Variants in ICE1 observed in about 807,000 individuals in gnomAD.
ICE1 encodes interactor of little elongation complex ELL subunit 1, also known as little elongation complex subunit 1.
Under a neutral mutation model 192.7 loss-of-function variants are expected in ICE1, and 64 were observed. The observed-to-expected ratio is 0.33, with a 90% CI of 0.27 to 0.41. ICE1 has a LOEUF of 0.41. Among genes scored for constraint, ICE1 ranks in the 10% least tolerant of loss-of-function variants. The probability of loss-of-function intolerance (pLI) is 1.00; values close to 1 mark genes in which losing one functional copy is unlikely to be tolerated. For missense variants in ICE1, 2,708 were observed against 2,696.0 expected (o/e 1.00, Z -0.10); for synonymous variants, 1,010 against 984.5 (o/e 1.03, Z -0.49).
chr5:5,444,942 G>T (rs898187313), intron 7 of ICE1, among the ~76,000 whole-genome samples: 6 of 152,102 alleles, frequency 3.9e-5, no homozygotes, highest in African/African-American at 1.2e-4. Context: ...CTTTTTATTT[G>T]CTTTTTCCTC....
chr5:5,441,142 A>G lies in ICE1; in HGVS notation c.228A>G (p.Glu76=), dbSNP rs773925550. ...RENSNLHHQV[E]EMLQKISPLQ... is the part of the protein sequence containing the mutation. ...ATAGTAATCTGCATCACCAAGTGGA[A>G]GAGATGCTTCAAAAAATTTCTCCTC... The change falls in exon 5 of 19, where the codon GAA becomes GAG. Residue 76 remains glutamate, a synonymous_variant. Transcript: ENST00000296564. 2.3e-5 allele frequency: 36 copies of G among 1,560,096 alleles called. No homozygotes were observed. The East Asian group carries it at 6.2e-4, about 27-fold the overall frequency.
rs1036064203 is a variant in ICE1, at chr5:5,465,064, C to G, written c.5730C>G (p.Ser1910=). ...TAAGCCCAAAAGAAACTGTGGAGTC[C>G]CATGATAAAGCCATAGCTAATGCCC... ...LPLSPKETVE[S]HDKAIANALK... Residue 1910 remains serine, a synonymous_variant, in exon 13 of 19, where the codon TCC becomes TCG. Transcript: ENST00000296564. 6.2e-7 allele frequency: 1 copy of G among 1,613,888 alleles called. No individual in the cohort carries two copies. The highest frequency in any genetic ancestry group is 1.3e-5 in the African/African-American group (1 of 75,028).
At chr5:5,470,740 G>GTAA (rs1321873973) in intron 15 of ICE1, among the ~76,000 whole-genome samples, 2 of 151,954 alleles carry the variant, frequency 1.3e-5, no homozygotes, top group Non-Finnish European at 2.9e-5. Flanking sequence ...AAATTCCCTG[G>GTAA]TAATAATTCA....
chr5:5,483,476 TTAAC>T (rs747861113), intron 17 of ICE1, among the ~76,000 whole-genome samples: 2 of 152,166 alleles, frequency 1.3e-5, no homozygotes, highest in Admixed American at 6.5e-5. Flanking sequence ...ACCTTAATGA[TTAAC>T]TATTAAAGAG....
chr5:5,443,209 T>G lies in ICE1; in HGVS notation c.351T>G (p.Ala117=). 6.6e-7 allele frequency: 1 copy of G among 1,516,776 alleles called. No individual in the cohort carries two copies. 94.0% of individuals were successfully genotyped at this position (1,516,776 alleles called of 1,614,324 possible). Residue 117 remains alanine, a synonymous_variant, in exon 6 of 19, where the codon GCT becomes GCG. Coordinates refer to ENST00000296564, the MANE Select transcript of ICE1 (RefSeq NM_015325.3). ...KLYQDTHQEY[A]RVKEECLKSD... ...ATCAGGATACTCATCAGGAATATGC[T>G]CGTGTAAAGGAAGAATGCTTGAAGA...
intron 17 of ICE1, among the ~76,000 whole-genome samples, chr5:5,483,138 G>T (rs1247287650): frequency 6.6e-6 from 1 of 152,060 alleles, no homozygotes; most frequent in African/African-American, 2.4e-5. Flanking sequence ...TTACAGGCAT[G>T]CGCCACCATG....
chr5:5,474,021 T>C (rs1316666313), intron 16 of ICE1, among the ~76,000 whole-genome samples: 1 of 151,908 alleles, frequency 6.6e-6, no homozygotes, highest in African/African-American at 2.4e-5. Context: ...CCACCCTGGC[T>C]AACATGATGA....
Position 5,463,955 on chromosome 5 carries a change from T to C in ICE1, c.4621T>C (p.Tyr1541His). The C allele has an allele frequency of 1.2e-6, 2 of 1,613,948 alleles. No individual in the cohort carries two copies. The highest frequency in any genetic ancestry group is 8.5e-7 in the Non-Finnish European group (1 of 1,179,846). The change falls in exon 13 of 19, where the codon TAT (tyrosine) becomes CAT (histidine). Residue 1541 changes from tyrosine (Y) to histidine (H), a missense_variant. Around this residue, in one of 2 missense-constraint regions of ICE1, gnomAD observed 2,366 missense variants for 2,276.6 expected, o/e 1.04. Coordinates refer to ENST00000296564, the MANE Select transcript of ICE1 (RefSeq NM_015325.3). ...TCAGATTGTTGCGTCTGATCACACA[T>C]ATTATAACTCAAAACTAGAGCCATC... ...ETQIVASDHT[Y>H]YNSKLEPSGK...
chr5:5,423,048 C>T lies in ICE1; in HGVS notation c.84+49C>T, dbSNP rs1442961975. 8 of 1,261,424 alleles carry T rather than the reference C, an allele frequency of 6.3e-6. No homozygotes were observed. In the African/African-American group the frequency reaches 1.3e-4, roughly 20 times the overall value. 78.1% of individuals were successfully genotyped at this position (1,261,424 alleles called of 1,614,324 possible). ...GGCGCGGGGGGGGACTCGGCTCGGC[C>T]GGCCGGGAGCGCAGGGATGTGGGGT... On this transcript the variant is annotated intron_variant, in intron 1 of 18. Transcript: ENST00000296564.
intron 15 of ICE1, among the ~76,000 whole-genome samples, chr5:5,473,032 G>A (rs116498736): frequency 2.9e-4 from 44 of 152,204 alleles, no homozygotes; most frequent in African/African-American, 1.0e-3. Context: ...TTATTACTCA[G>A]CAGTAAAAAG....
intron 1 of ICE1, among the ~76,000 whole-genome samples, chr5:5,435,458 G>C (rs139388125): frequency 6.6e-6 from 1 of 152,176 alleles, no homozygotes; most frequent in Admixed American, 6.5e-5. Context: ...ATTATTACTT[G>C]TGAAGGGCTA....
chr5:5,430,050 G>C (rs1737653508), intron 1 of ICE1, among the ~76,000 whole-genome samples: 1 of 152,198 alleles, frequency 6.6e-6, no homozygotes, highest in Non-Finnish European at 1.5e-5. Flanking sequence ...AGAAGCTCTA[G>C]AAGAGGAGAG....
intron 1 of ICE1, among the ~76,000 whole-genome samples, chr5:5,425,506 A>G (rs1003218268): frequency 2.0e-5 from 3 of 152,204 alleles, no homozygotes; most frequent in African/African-American, 7.2e-5. Context: ...AGGTCAGGAC[A>G]CTATTGCATT....
chr5:5,484,485 T>C (rs1739585671), intron 17 of ICE1, among the ~76,000 whole-genome samples: 1 of 152,246 alleles, frequency 6.6e-6, no homozygotes, highest in Non-Finnish European at 1.5e-5. Context: ...CAGTTTAATC[T>C]GATTGCAAAG....
At chr5:5,460,218 T>A (rs1579561824) in intron 12 of ICE1, among the ~76,000 whole-genome samples, 1 of 152,198 alleles carries the variant, frequency 6.6e-6, no homozygotes, top group Non-Finnish European at 1.5e-5. Context: ...GAGGTGTCTC[T>A]GCGGGGTGCT....
chr5:5,450,126 C>T (rs988749313), intron 10 of ICE1, among the ~76,000 whole-genome samples: 2 of 152,136 alleles, frequency 1.3e-5, no homozygotes, highest in African/African-American at 4.8e-5. Context: ...GCAACAGACG[C>T]AAGAAGACTG....
At chr5:5,427,215 T>C (rs577681346) in intron 1 of ICE1, among the ~76,000 whole-genome samples, 1 of 152,218 alleles carries the variant, frequency 6.6e-6, no homozygotes, top group African/African-American at 2.4e-5. Context: ...TCACTTCATA[T>C]CTGTTTTGTT....
chr5:5,466,775 G>A (rs1182078454), intron 14 of ICE1, among the ~76,000 whole-genome samples: 1 of 152,110 alleles, frequency 6.6e-6, no homozygotes, highest in Non-Finnish European at 1.5e-5. Context: ...ATTAGATATA[G>A]TTGCCTTAAA....
At chr5:5,477,057 ATTTTT>A (rs1739335683) in intron 17 of ICE1, among the ~76,000 whole-genome samples, 1 of 151,876 alleles carries the variant, frequency 6.6e-6, no homozygotes, top group Non-Finnish European at 1.5e-5. Context: ...CTTTATTTTT[ATTTTT>A]ATTTTTACTT....
Sources: allele counts gnomAD v4.1 joint callset (sites outside exome capture counted in the v4.1 genomes callset), GRCh38; gene constraint gnomAD v4.1.1; regional missense constraint gnomAD v4.1.1; transcripts MANE v1.5; gene names NCBI Gene and HGNC (gene_info 2026-07-23, HGNC 2026-07-21).